Variants in GABRA5 observed in about 807,000 individuals in gnomAD.
GABRA5 encodes gamma-aminobutyric acid receptor subunit alpha-5.
In GABRA5, 18 loss-of-function variants were observed where a neutral mutation model predicts 47.3. The ratio of observed to expected loss-of-function variants is 0.38; its 90% CI spans 0.26 to 0.56. The LOEUF is 0.56. GABRA5 is among the 20% of genes least tolerant of loss of function. The pLI, the probability that GABRA5 is intolerant of heterozygous loss-of-function variation, is 0.71. For missense variants in GABRA5, 365 were observed against 599.3 expected (o/e 0.61, Z 4.08); for synonymous variants, 237 against 229.3 (o/e 1.03, Z -0.30).
chr15:26,935,608 G>A (rs905118232), intron 7 of GABRA5, among the ~76,000 whole-genome samples: 23 of 152,316 alleles, frequency 1.5e-4, no homozygotes, highest in Admixed American at 1.1e-3. Context: ...TGACTGTGCC[G>A]TCCCCAGTCC....
chr15:26,935,239 A>G (rs937237354), intron 7 of GABRA5, among the ~76,000 whole-genome samples: 4 of 152,232 alleles, frequency 2.6e-5, no homozygotes, highest in Non-Finnish European at 5.9e-5. Context: ...TGTCATTATT[A>G]ATGCTATTAA....
intron 7 of GABRA5, among the ~76,000 whole-genome samples, chr15:26,925,182 C>T (rs935439043): frequency 1.3e-5 from 2 of 151,940 alleles, no homozygotes; most frequent in Admixed American, 6.6e-5. Context: ...AAATTTGAGG[C>T]ATTTTGACCA....
At chr15:26,912,561 T>A (rs1893621662) in intron 6 of GABRA5, among the ~76,000 whole-genome samples, 1 of 152,250 alleles carries the variant, frequency 6.6e-6, no homozygotes, top group Non-Finnish European at 1.5e-5. Flanking sequence ...AATTGCAGGT[T>A]ATTTATCAGG....
chr15:26,945,357 G>A (rs898946356), intron 10 of GABRA5, among the ~76,000 whole-genome samples: 1 of 152,226 alleles, frequency 6.6e-6, no homozygotes, highest in Non-Finnish European at 1.5e-5. Context: ...AATAGACTGT[G>A]TTCACCATTG....
At chr15:26,931,209 A>G (rs958075276) in intron 7 of GABRA5, among the ~76,000 whole-genome samples, 27 of 151,942 alleles carry the variant, frequency 1.8e-4, no homozygotes, top group African/African-American at 5.1e-4. Flanking sequence ...GCCAATTTCT[A>G]TCTGGGTTCA....
At chr15:26,925,545 T>A (rs532948909) in intron 7 of GABRA5, among the ~76,000 whole-genome samples, 1 of 152,216 alleles carries the variant, frequency 6.6e-6, no homozygotes, top group Non-Finnish European at 1.5e-5. Flanking sequence ...TTTTTTATTA[T>A]AAAGCATTAC....
intron 3 of GABRA5, 44 bp downstream of exon 3, chr15:26,869,378 T>C: frequency 8.3e-7 from 1 of 1,200,006 alleles, no homozygotes; most frequent in South Asian, 1.2e-5. Flanking sequence ...TTAGGGACAC[T>C]GGTGCCTTTC....
chr15:26,876,100 C>T (rs1892590771), intron 3 of GABRA5, among the ~76,000 whole-genome samples: 1 of 152,072 alleles, frequency 6.6e-6, no homozygotes, highest in South Asian at 2.1e-4. Context: ...TGCTAGAGAA[C>T]CCAACAGGTA....
intron 8 of GABRA5, among the ~76,000 whole-genome samples, chr15:26,938,814 T>C (rs1224514863): frequency 6.6e-6 from 1 of 152,252 alleles, no homozygotes; most frequent in African/African-American, 2.4e-5. Flanking sequence ...CACATGTGAT[T>C]GCTATGGTTC....
chr15:26,948,340 A>T lies in GABRA5; in HGVS notation c.*107A>T. On this transcript the variant is annotated 3_prime_UTR_variant, in exon 11 of 11. Transcript: ENST00000335625. ...CATATGTGAGCACTATCTTTCAGGAAATTTTTGCATGTTTAATAATATGTA... is the reference window on the plus strand; with the variant it reads ...CATATGTGAGCACTATCTTTCAGGATATTTTTGCATGTTTAATAATATGTA... The T allele has an allele frequency of 1.9e-6, 2 of 1,039,758 alleles. No homozygotes were observed. Among genetic ancestry groups the T allele is most frequent in the Admixed American group, 2.9e-5 (1 of 35,046 alleles). The allele number at this position is 1,039,758 out of a possible 1,614,324, so 64.4% of individuals were successfully genotyped here.
intron 7 of GABRA5, among the ~76,000 whole-genome samples, chr15:26,928,009 C>A (rs868449747): frequency 6.6e-6 from 1 of 151,994 alleles, no homozygotes; most frequent in African/African-American, 2.4e-5. Context: ...GGTGTCCATT[C>A]GGAAGCAAAT....
intron 6 of GABRA5, among the ~76,000 whole-genome samples, chr15:26,900,168 T>C (rs1346078949): frequency 6.6e-6 from 1 of 152,166 alleles, no homozygotes; most frequent in Non-Finnish European, 1.5e-5. Flanking sequence ...TTTGCTCCAG[T>C]AGCTCTGTCC....
In GABRA5 at chr15:26,936,590, T is replaced by G. The variant is rs560664063; in HGVS notation, c.581-595T>G. ...ATGTGCAACAGTGTCTTTTGCCAAG[T>G]AAGGTACCATATTCACAAGTGTGAC... On this transcript the variant is annotated intron_variant, in intron 7 of 10. Transcript: ENST00000335625. Among the ~76,000 whole-genome samples, 3 of 152,306 alleles carry G rather than the reference T, an allele frequency of 2.0e-5. No individual in the cohort carries two copies. In the East Asian group the frequency reaches 5.8e-4, roughly 29 times the overall value.
intron 7 of GABRA5, among the ~76,000 whole-genome samples, chr15:26,935,888 ACT>A (rs1206068185): frequency 6.6e-6 from 1 of 152,060 alleles, no homozygotes; most frequent in Non-Finnish European, 1.5e-5. Context: ...TGCTCTGCAC[ACT>A]GTTTAGGTGA....
intron 7 of GABRA5, among the ~76,000 whole-genome samples, chr15:26,933,998 C>T (rs985253852): frequency 1.3e-5 from 2 of 152,052 alleles, no homozygotes; most frequent in African/African-American, 2.4e-5. Context: ...CCCACCCAGG[C>T]TTTCAAAGAG....
intron 7 of GABRA5, among the ~76,000 whole-genome samples, chr15:26,930,006 CTT>C (rs72082419): frequency 0.28 from 31,384 of 113,484 alleles, 3,365 homozygotes; most frequent in Middle Eastern, 0.4. Context: ...TCTTCTTCTT[CTT>C]TTTTTTTTTT....
chr15:26,869,361 TATG>T, intron 3 of GABRA5, 27 bp downstream of exon 3: 2 of 1,409,208 alleles, frequency 1.4e-6, no homozygotes, highest in South Asian at 2.3e-5. Flanking sequence ...GCTTTTATTT[TATG>T]ATGTTAGGGA....
At chr15:26,878,042 G>A (rs140736565) in intron 3 of GABRA5, among the ~76,000 whole-genome samples, 2 of 152,320 alleles carry the variant, frequency 1.3e-5, no homozygotes, top group African/African-American at 2.4e-5. Context: ...GTGGCGCGTC[G>A]GCGAGTGTAG....
intron 8 of GABRA5, 41 bp downstream of exon 8, chr15:26,937,369 G>A: frequency 1.3e-6 from 2 of 1,561,142 alleles, no homozygotes; most frequent in Non-Finnish European, 1.7e-6. Flanking sequence ...GCGCACTCAG[G>A]ACACCACACC....
Sources: gnomAD v4.1 joint callset for allele counts (sites outside exome capture counted in the v4.1 genomes callset) on GRCh38, gnomAD v4.1.1 for gene constraint, MANE v1.5 for transcripts, NCBI Gene and HGNC (gene_info 2026-07-23, HGNC 2026-07-21) for gene names.